DAB1: variants seen among roughly 807,000 people sequenced by gnomAD.
DAB1 encodes disabled homolog 1.
Under a neutral mutation model 64.6 loss-of-function variants are expected in DAB1, and 15 were observed. The observed-to-expected ratio is 0.23, with a 90% confidence interval of 0.16 to 0.36. The LOEUF is 0.36. Ranked by LOEUF, DAB1 falls within the 10% of genes least tolerant of loss-of-function variation. DAB1 has a pLI of 1.00. For missense variants in DAB1, 596 were observed against 706.7 expected (o/e 0.84, Z 1.78); for synonymous variants, 235 against 251.9 (o/e 0.93, Z 0.64).
At chr1:57,105,962 T>A (rs893489808) in intron 4 of DAB1, among the ~76,000 whole-genome samples, 7 of 152,156 alleles carry the variant, frequency 4.6e-5, no homozygotes, top group African/African-American at 7.2e-5. Context: ...GAATCCAGGC[T>A]TGGATGCTTC....
intron 6 of DAB1, among the ~76,000 whole-genome samples, chr1:57,761,053 C>T (rs1417187713): frequency 6.6e-6 from 1 of 152,214 alleles, no homozygotes; most frequent in Non-Finnish European, 1.5e-5. Context: ...GCTTCTTCAA[C>T]TCCTAAATAA....
At chr1:58,337,152 C>T (rs1036639012) in intron 4 of DAB1, among the ~76,000 whole-genome samples, 5 of 151,850 alleles carry the variant, frequency 3.3e-5, no homozygotes, top group African/African-American at 1.2e-4. Context: ...CGTGGCGATG[C>T]GGGCCTGTAA....
At chr1:57,943,952 G>A (rs1645143081) in intron 5 of DAB1, among the ~76,000 whole-genome samples, 1 of 152,126 alleles carries the variant, frequency 6.6e-6, no homozygotes, top group Admixed American at 6.6e-5. Flanking sequence ...AGGGAAGAGA[G>A]AAACTGGAGT....
intron 1 of DAB1, among the ~76,000 whole-genome samples, chr1:57,868,214 T>A (rs1294911757): frequency 6.6e-6 from 1 of 152,196 alleles, no homozygotes; most frequent in Non-Finnish European, 1.5e-5. Flanking sequence ...GAAGAAGCCA[T>A]CTGACATTTC....
chr1:57,025,808 C>G (rs1219406107), intron 10 of DAB1, among the ~76,000 whole-genome samples, 173 bp downstream of exon 10: 1 of 152,158 alleles, frequency 6.6e-6, no homozygotes, highest in African/African-American at 2.4e-5. Flanking sequence ...AATAGCCAAG[C>G]AAATTAAGGA....
intron 1 of DAB1, among the ~76,000 whole-genome samples, chr1:57,361,711 C>T (rs1679566602): frequency 1.3e-5 from 2 of 152,084 alleles, no homozygotes; most frequent in African/African-American, 2.4e-5. Flanking sequence ...ATCACATAGC[C>T]CAGATGGGGC....
chr1:57,599,196 TC>T (rs1220477573), intron 7 of DAB1, among the ~76,000 whole-genome samples: 39 of 149,324 alleles, frequency 2.6e-4, no homozygotes, highest in African/African-American at 7.9e-4. Context: ...TTTTTTTTTT[TC>T]TAGGAATGAA....
intron 7 of DAB1, among the ~76,000 whole-genome samples, chr1:57,543,820 T>C (rs1644828436): frequency 2.0e-5 from 3 of 152,118 alleles, no homozygotes; most frequent in South Asian, 4.1e-4. Context: ...AAAGAACATA[T>C]AGCCAGGTGT....
chr1:57,844,745 A>C (rs1292985545), intron 1 of DAB1, among the ~76,000 whole-genome samples: 1 of 152,102 alleles, frequency 6.6e-6, no homozygotes, highest in Non-Finnish European at 1.5e-5. Context: ...GAAGAGAGAG[A>C]TACTGGGGCC....
chr1:57,165,516 T>C (rs2100902839), intron 2 of DAB1, among the ~76,000 whole-genome samples: 1 of 152,358 alleles, frequency 6.6e-6, no homozygotes, highest in East Asian at 1.9e-4. Context: ...ATCTTTTATG[T>C]GACTGCCATT....
chr1:57,464,095 T>C (rs758644197), intron 7 of DAB1, among the ~76,000 whole-genome samples: 2 of 152,182 alleles, frequency 1.3e-5, no homozygotes, highest in Non-Finnish European at 2.9e-5. Context: ...ATTTCATGAG[T>C]ACTTACTAAT....
chr1:58,057,204 T>C (rs894607433), intron 5 of DAB1, among the ~76,000 whole-genome samples: 1 of 151,532 alleles, frequency 6.6e-6, no homozygotes, highest in Non-Finnish European at 1.5e-5. Context: ...AGAATGTTTA[T>C]TTTTTTTAAT....
intron 6 of DAB1, among the ~76,000 whole-genome samples, chr1:57,704,021 C>T (rs533096233): frequency 3.3e-5 from 5 of 152,080 alleles, no homozygotes; most frequent in Non-Finnish European, 7.4e-5. Flanking sequence ...GAACAACACA[C>T]ACGGTGGCCC....
At position 58,459,645 on chromosome 1, in the gene DAB1, A is replaced by G. The variant is rs528425484; in HGVS notation, n.257+46415T>C. Among the ~76,000 whole-genome samples, 10 of 152,374 alleles carry G rather than the reference A, an allele frequency of 6.6e-5. No individual in the cohort carries two copies. The South Asian group carries it at 1.7e-3, about 25-fold the overall frequency. Reference sequence around the variant, plus strand: ...GTCTTTTTATAATGTAATTTCACAAATAACATACTATCATTAATACTTTAT... The same window carrying G: ...GTCTTTTTATAATGTAATTTCACAAGTAACATACTATCATTAATACTTTAT... On this transcript the variant is annotated intron_variant and non_coding_transcript_variant, in intron 3 of 20. Coordinates refer to the DAB1 transcript ENST00000485760.
intron 4 of DAB1, among the ~76,000 whole-genome samples, chr1:58,327,863 G>C (rs1297067761): frequency 1.3e-5 from 2 of 152,202 alleles, no homozygotes; most frequent in African/African-American, 4.8e-5. Context: ...ATATTAGTAA[G>C]CAGTCCACAT....
chr1:58,203,425 T>A (rs1438489932), intron 4 of DAB1, among the ~76,000 whole-genome samples: 5 of 152,340 alleles, frequency 3.3e-5, no homozygotes, highest in African/African-American at 1.2e-4. Flanking sequence ...CTGGGAAGCC[T>A]TCCTTGATTT....
At chr1:57,624,656 G>A (rs912711154) in intron 7 of DAB1, among the ~76,000 whole-genome samples, 4 of 152,058 alleles carry the variant, frequency 2.6e-5, no homozygotes, top group Non-Finnish European at 4.4e-5. Flanking sequence ...ACTTACAAAC[G>A]GTAAGTTGTA....
intron 7 of DAB1, among the ~76,000 whole-genome samples, chr1:57,545,918 A>C (rs1038720778): frequency 2.0e-5 from 3 of 152,204 alleles, no homozygotes; most frequent in Admixed American, 6.5e-5. Flanking sequence ...GGAATACTCC[A>C]GAATAAAGAT....
chr1:57,669,171 A>C (rs767059072), intron 6 of DAB1, among the ~76,000 whole-genome samples: 3 of 152,114 alleles, frequency 2.0e-5, no homozygotes, highest in Non-Finnish European at 4.4e-5. Context: ...GGACTTAGCC[A>C]ATTCAATCTT....
Sources: gnomAD v4.1 joint callset for allele counts (sites outside exome capture counted in the v4.1 genomes callset) on GRCh38, gnomAD v4.1.1 for gene constraint, MANE v1.5 for transcripts, NCBI Gene and HGNC (gene_info 2026-07-23, HGNC 2026-07-21) for gene names.